Variants in FER observed in about 807,000 individuals in gnomAD.
The protein encoded by FER is tyrosine-protein kinase Fer.
FER carries 63 observed loss-of-function variants against 111.0 expected under a neutral mutation model. The observed-to-expected ratio is 0.57, with a 90% CI of 0.46 to 0.70. FER has a LOEUF of 0.70. Among genes scored for constraint, FER ranks in the 30% least tolerant of loss-of-function variants. The pLI, the probability that FER is intolerant of heterozygous loss-of-function variation, is 0.00. For synonymous variants in FER, 327 were observed against 313.9 expected (o/e 1.04, Z -0.44); for missense variants, 914 against 954.0 (o/e 0.96, Z 0.55).
At chr5:108,872,248 AG>A in intron 8 of FER, 36 bp downstream of exon 8, 1 of 1,536,708 alleles carries the variant, frequency 6.5e-7, no homozygotes, top group Non-Finnish European at 8.9e-7. Context: ...TTTAAATACT[AG>A]TATTATTATT....
At chr5:108,972,172 G>A (rs549554948) in intron 13 of FER, among the ~76,000 whole-genome samples, 1 of 151,850 alleles carries the variant, frequency 6.6e-6, no homozygotes, top group Non-Finnish European at 1.5e-5. Context: ...ATTAGTGTTT[G>A]TACTTCTATA....
chr5:108,954,991 T>C (rs1435569100), intron 12 of FER, 59 bp downstream of exon 12: 11 of 1,391,096 alleles, frequency 7.9e-6, no homozygotes, highest in Non-Finnish European at 9.8e-6. Flanking sequence ...GGTACAATTA[T>C]ATTAAAATAA....
chr5:109,154,470 T>C (rs1451722023), intron 17 of FER, among the ~76,000 whole-genome samples: 1 of 151,238 alleles, frequency 6.6e-6, no homozygotes, highest in Non-Finnish European at 1.5e-5. Context: ...TTATAGAGAG[T>C]AAAAAAGAAA....
chr5:109,024,378 A>T (rs1300719399), intron 13 of FER, among the ~76,000 whole-genome samples: 1 of 152,164 alleles, frequency 6.6e-6, no homozygotes, highest in Non-Finnish European at 1.5e-5. Context: ...TCTCTTCTTC[A>T]TAAGACTACC....
chr5:109,042,209 AAC>A (rs1319726872), intron 14 of FER, among the ~76,000 whole-genome samples: 1 of 152,126 alleles, frequency 6.6e-6, no homozygotes, highest in Non-Finnish European at 1.5e-5. Flanking sequence ...GACTGACATA[AAC>A]ACAGTCAAGG....
chr5:109,078,964 T>C (rs1776678438), intron 16 of FER, among the ~76,000 whole-genome samples: 1 of 152,158 alleles, frequency 6.6e-6, no homozygotes, highest in African/African-American at 2.4e-5. Flanking sequence ...ACGTATGACA[T>C]TGCATTCACT....
chr5:108,968,591 G>A (rs546303826), intron 13 of FER, among the ~76,000 whole-genome samples: 23 of 152,032 alleles, frequency 1.5e-4, no homozygotes, highest in Middle Eastern at 6.8e-3. Context: ...TAAAAAGCAT[G>A]AAATAAATGA....
At chr5:109,004,580 T>G in intron 13 of FER, among the ~76,000 whole-genome samples, 1 of 152,178 alleles carries the variant, frequency 6.6e-6, no homozygotes, top group East Asian at 1.9e-4. Flanking sequence ...GCTTACAAAA[T>G]ATCCTTCTAA....
At chr5:108,894,367 C>G (rs149003129) in intron 9 of FER, 1 of 984,336 alleles carries the variant, frequency 1.0e-6, no homozygotes, top group Non-Finnish European at 1.3e-6. Context: ...TGCAAGGGTT[C>G]CTTCCTTGCT....
At chr5:109,032,438 T>G (rs1412625459) in intron 13 of FER, among the ~76,000 whole-genome samples, 1 of 152,154 alleles carries the variant, frequency 6.6e-6, no homozygotes, top group Non-Finnish European at 1.5e-5. Context: ...GTATTACATC[T>G]CTTTTTCCTT....
At chr5:108,760,541 T>C (rs78972939) in intron 1 of FER, among the ~76,000 whole-genome samples, 2,653 of 152,338 alleles carry the variant, frequency 0.017, 78 homozygotes, top group African/African-American at 0.061. Context: ...GGCTAGAGTT[T>C]TGGATAACTT....
At chr5:109,172,718 AC>A (rs1009835969) in intron 17 of FER, among the ~76,000 whole-genome samples, 2 of 152,108 alleles carry the variant, frequency 1.3e-5, no homozygotes, top group African/African-American at 4.8e-5. Flanking sequence ...TTTAATCTGT[AC>A]CCCCACCAAG....
chr5:108,877,498 CTT>C (rs1407216122), intron 8 of FER, among the ~76,000 whole-genome samples: 1 of 152,166 alleles, frequency 6.6e-6, no homozygotes, highest in Non-Finnish European at 1.5e-5. Context: ...TCTGTTTACT[CTT>C]GAGAAAAGCT....
chr5:108,862,057 T>G (rs1181309923), intron 5 of FER, among the ~76,000 whole-genome samples: 1 of 152,184 alleles, frequency 6.6e-6, no homozygotes, highest in Non-Finnish European at 1.5e-5. Flanking sequence ...TGTGGAGTAC[T>G]CCTCCCCAAA....
intron 2 of FER, among the ~76,000 whole-genome samples, chr5:108,772,215 G>A (rs1049732478): frequency 1.3e-5 from 2 of 151,384 alleles, no homozygotes; most frequent in Non-Finnish European, 2.9e-5. Context: ...GTCACCTTGG[G>A]GGGTTAAGTT....
intron 8 of FER, among the ~76,000 whole-genome samples, chr5:108,877,467 A>G (rs35141056): frequency 0.23 from 34,367 of 152,144 alleles, 4,085 homozygotes; most frequent in African/African-American, 0.29. Context: ...CGTAACTTTC[A>G]CTTGGTTGTA....
At chr5:109,031,400 T>G (rs1481818763) in intron 13 of FER, among the ~76,000 whole-genome samples, 1 of 152,168 alleles carries the variant, frequency 6.6e-6, no homozygotes, top group African/African-American at 2.4e-5. Context: ...CTTCTAGAAC[T>G]TGTCCAATGA....
intron 5 of FER, among the ~76,000 whole-genome samples, chr5:108,852,795 C>A (rs1172689189): frequency 2.0e-5 from 3 of 151,968 alleles, no homozygotes; most frequent in Non-Finnish European, 4.4e-5. Flanking sequence ...AGGAATTTTA[C>A]AAGGTAATTA....
At chr5:108,871,958 T>G (rs1764644003) in intron 7 of FER, 135 bp from the exon 8 acceptor site, 1 of 888,076 alleles carries the variant, frequency 1.1e-6, no homozygotes, top group African/African-American at 1.8e-5. Context: ...CAGGATTTAG[T>G]TTGATTTATA....
Sources: gnomAD v4.1 joint callset for allele counts (sites outside exome capture counted in the v4.1 genomes callset) on GRCh38, gnomAD v4.1.1 for gene constraint, MANE v1.5 for transcripts, NCBI Gene and HGNC (gene_info 2026-07-23, HGNC 2026-07-21) for gene names.